LRRC9: variants seen among roughly 807,000 people sequenced by gnomAD.
LRRC9 encodes the protein leucine rich repeat containing 9, also known as leucine-rich repeat-containing protein 9.
In LRRC9, 122 loss-of-function variants were observed where a neutral mutation model predicts 63.2. The ratio of observed to expected loss-of-function variants is 1.93; its 90% CI spans 1.67 to 2.24. The LOEUF is 2.24. Ranked by LOEUF, LRRC9 falls within the 30% of genes most tolerant of loss-of-function variation. The pLI is 0.00. For synonymous variants in LRRC9, 366 were observed against 213.1 expected (o/e 1.72, Z -6.25); for missense variants, 1,071 against 627.7 (o/e 1.71, Z -7.55).
intron 15 of LRRC9, 63 bp downstream of exon 15, chr14:59,978,195 A>C (rs1886524726): frequency 2.9e-6 from 2 of 682,148 alleles, no homozygotes; most frequent in Middle Eastern, 3.3e-4. Context: ...CAAAGTAGTA[A>C]TTTGAAGTCG....
intron 17 of LRRC9, among the ~76,000 whole-genome samples, chr14:59,989,687 T>C (rs998412713): frequency 3.3e-5 from 5 of 151,992 alleles, no homozygotes; most frequent in African/African-American, 7.3e-5. Flanking sequence ...ACCTCTGTCT[T>C]CCCCCTCTCC....
intron 29 of LRRC9, among the ~76,000 whole-genome samples, chr14:60,035,150 G>C (rs1204113299): frequency 6.7e-6 from 1 of 148,548 alleles, no homozygotes; most frequent in Non-Finnish European, 1.5e-5. Flanking sequence ...GTCTTCTTTT[G>C]ATAAATGTCT....
At chr14:60,039,641 G>C (rs951804774) in intron 29 of LRRC9, among the ~76,000 whole-genome samples, 1 of 152,034 alleles carries the variant, frequency 6.6e-6, no homozygotes, top group Non-Finnish European at 1.5e-5. Flanking sequence ...GAGTCTATTT[G>C]ATTCTTCTCT....
At chr14:59,935,887 T>C (rs1890099545) in intron 6 of LRRC9, among the ~76,000 whole-genome samples, 1 of 152,184 alleles carries the variant, frequency 6.6e-6, no homozygotes. Context: ...TGAAGAAGAT[T>C]AGTTCAGGGT....
chr14:59,960,949 A>G (rs1186766635), exon 10 of LRRC9: 2 of 690,316 alleles, frequency 2.9e-6, no homozygotes, highest in Admixed American at 2.1e-5. Flanking sequence ...GTAAAACAAA[A>G]GAAGAAAAGT....
chr14:59,977,101 A>T, intron 13 of LRRC9, 124 bp from the exon 14 acceptor site: 1 of 572,400 alleles, frequency 1.7e-6, no homozygotes, highest in Non-Finnish European at 3.1e-6. Flanking sequence ...GTAGCAAACA[A>T]GAGAGCCAGC....
intron 23 of LRRC9, 104 bp from the exon 24 acceptor site, chr14:60,016,556 G>A: frequency 1.7e-6 from 1 of 573,662 alleles, no homozygotes; most frequent in Non-Finnish European, 3.2e-6. Flanking sequence ...TTAGTAGGAG[G>A]AATCTGGAAA....
chr14:60,050,528 C>T (rs927789741), intron 29 of LRRC9, among the ~76,000 whole-genome samples: 11 of 152,080 alleles, frequency 7.2e-5, no homozygotes, highest in Non-Finnish European at 1.3e-4. Flanking sequence ...TTTAGCTCAG[C>T]GAAGTTCGTT....
At chr14:59,994,548 A>G (rs1239249292) in intron 17 of LRRC9, among the ~76,000 whole-genome samples, 5 of 152,030 alleles carry the variant, frequency 3.3e-5, no homozygotes, top group African/African-American at 9.7e-5. Flanking sequence ...GCTGCTATAA[A>G]GACACATGCA....
intron 18 of LRRC9, 48 bp downstream of exon 18, chr14:59,997,895 G>A (rs1286810533): frequency 1.6e-6 from 1 of 622,494 alleles, no homozygotes; most frequent in Admixed American, 2.5e-5. Context: ...TATTTTCAGA[G>A]CCATTTCCCT....
At chr14:60,059,451 C>G (rs552452638) in intron 31 of LRRC9, among the ~76,000 whole-genome samples, 1 of 152,230 alleles carries the variant, frequency 6.6e-6, no homozygotes, top group African/African-American at 2.4e-5. Context: ...GGAAGCCATG[C>G]TGAAAGCCAA....
At chr14:60,056,151 C>A (rs1224510242) in intron 30 of LRRC9, among the ~76,000 whole-genome samples, 1 of 152,118 alleles carries the variant, frequency 6.6e-6, no homozygotes, top group Non-Finnish European at 1.5e-5. Context: ...ATCACACCTG[C>A]AAAGTACTTT....
intron 4 of LRRC9, 83 bp downstream of exon 4, chr14:59,931,141 G>C (rs1594808485): frequency 6.5e-6 from 2 of 307,772 alleles, no homozygotes; most frequent in South Asian, 1.7e-4. Context: ...ATCATATTGT[G>C]GTTAAAGGCC....
In LRRC9 at chr14:59,940,687, T is replaced by C. The variant is rs1244705337; in HGVS notation, c.726+2115T>C. ...TTTTGGGGGAGCCAATGAGTTAATG[T>C]ACATAAAAGCCCATTTTAATTGTTA... On this transcript the variant is annotated intron_variant, in intron 7 of 31. Coordinates refer to ENST00000445360, the Ensembl canonical transcript of LRRC9. Among the ~76,000 whole-genome samples the C allele has an allele frequency of 2.0e-5, 3 of 152,278 alleles. No homozygotes were observed. In the East Asian group the frequency reaches 5.8e-4, roughly 29 times the overall value.
intron 3 of LRRC9, among the ~76,000 whole-genome samples, chr14:59,929,779 A>T (rs1270546205): frequency 2.0e-5 from 3 of 152,128 alleles, no homozygotes; most frequent in African/African-American, 7.2e-5. Context: ...TTGCAGGAAC[A>T]TGGATGGAGC....
chr14:59,928,409 C>T lies in LRRC9; in HGVS notation c.190C>T (p.Gln64Ter), dbSNP rs1212023020. ...TTTAACGAGTCTTACCATTGTTGCT[C>T]AAGATATAAAAGAAATTTCAGGGTT... is the stretch of plus-strand genomic sequence containing the variant. Residue 64 changes from glutamine to a stop codon, truncating the protein, a stop_gained, in exon 3 of 32, where the codon CAA becomes TAA. Transcript: ENST00000445360. LOFTEE classifies it high-confidence loss of function. The T allele has an allele frequency of 1.4e-6, 1 of 697,622 alleles. No individual in the cohort carries two copies. Among genetic ancestry groups the T allele is most frequent in the Non-Finnish European group, 2.6e-6 (1 of 382,676 alleles). 43.2% of individuals were successfully genotyped at this position (697,622 alleles called of 1,614,324 possible). A position where few individuals can be genotyped will look rare whatever the true frequency, so the allele number is the denominator to read the frequency against.
intron 8 of LRRC9, among the ~76,000 whole-genome samples, chr14:59,946,364 G>A (rs1011063218): frequency 6.6e-6 from 1 of 150,430 alleles, no homozygotes; most frequent in East Asian, 1.9e-4. Flanking sequence ...TCAATAAATG[G>A]ATATCATTTT....
intron 26 of LRRC9, among the ~76,000 whole-genome samples, chr14:60,019,671 A>T (rs537243539): frequency 2.0e-5 from 3 of 151,802 alleles, no homozygotes; most frequent in African/African-American, 7.2e-5. Context: ...TCACAAAGGA[A>T]CCCTATACAC....
chr14:59,939,116 C>CATAT (rs35937352), intron 7 of LRRC9, among the ~76,000 whole-genome samples: 3 of 147,786 alleles, frequency 2.0e-5, no homozygotes, highest in South Asian at 2.1e-4. Flanking sequence ...CATATATATA[C>CATAT]ATATATATAA....
Sources: gnomAD v4.1 joint callset for allele counts (sites outside exome capture counted in the v4.1 genomes callset) on GRCh38, gnomAD v4.1.1 for gene constraint, MANE v1.5 for transcripts, NCBI Gene and HGNC (gene_info 2026-07-23, HGNC 2026-07-21) for gene names.